The following RALY variants were observed in gnomAD, a reference collection of about 807,000 sequenced individuals.
RALY encodes RNA-binding protein Raly.
Under a neutral mutation model 30.7 loss-of-function variants are expected in RALY, and 15 were observed. The observed-to-expected ratio is 0.49, with a 90% CI of 0.33 to 0.75. The LOEUF (loss-of-function observed/expected upper bound fraction) is 0.75. RALY is among the 30% of genes least tolerant of loss of function. The pLI, the probability that RALY is intolerant of heterozygous loss-of-function variation, is 0.02. For missense variants in RALY, 339 were observed against 414.3 expected, an observed-to-expected ratio of 0.82 and a Z score of 1.58; for synonymous variants, 177 against 170.8, an observed-to-expected ratio of 1.04 and a Z score of -0.28.
chr20:34,073,773 G>C, intron 4 of RALY, 46 bp from the exon 5 acceptor site: 1 of 1,601,144 alleles, frequency 6.2e-7, no homozygotes, highest in Non-Finnish European at 8.6e-7. Context: ...AAAGTGGGCT[G>C]AGTGGCCGTC....
chr20:34,020,546 T>G (rs1279003708), intron 1 of RALY, among the ~76,000 whole-genome samples: 6 of 152,164 alleles, frequency 3.9e-5, no homozygotes, highest in African/African-American at 1.4e-4. Flanking sequence ...GTAGGAATAA[T>G]GGATTAGTCA....
chr20:34,022,133 C>T lies in RALY; in HGVS notation c.-92-9389C>T, dbSNP rs527425480. On this transcript the variant is annotated intron_variant, in intron 1 of 9. Coordinates refer to ENST00000246194, the MANE Select transcript of RALY (RefSeq NM_016732.3). Reference sequence around the variant, plus strand: ...TTAATAAAGACAATGTCTCACTTGGCTGCCCATGCTGGTCTCGAACTCCTG... The same window carrying T: ...TTAATAAAGACAATGTCTCACTTGGTTGCCCATGCTGGTCTCGAACTCCTG... 5.4e-5 allele frequency among the ~76,000 whole-genome samples: 8 copies of T among 148,810 alleles called. No individual in the cohort carries two copies. In the South Asian group the frequency reaches 1.7e-3, roughly 32 times the overall value.
intron 1 of RALY, among the ~76,000 whole-genome samples, chr20:34,029,323 G>A (rs983097214): frequency 2.0e-5 from 3 of 152,106 alleles, no homozygotes; most frequent in African/African-American, 7.2e-5. Context: ...TGTAATCGCA[G>A]CTACTCAGGA....
At chr20:34,022,021 G>T (rs1373751581) in intron 1 of RALY, among the ~76,000 whole-genome samples, 2 of 150,592 alleles carry the variant, frequency 1.3e-5, no homozygotes, top group Non-Finnish European at 3.0e-5. Context: ...GCCTCCCAAA[G>T]TGCTGGGATT....
At chr20:34,021,118 C>G (rs1011067062) in intron 1 of RALY, among the ~76,000 whole-genome samples, 1 of 152,036 alleles carries the variant, frequency 6.6e-6, no homozygotes, top group African/African-American at 2.4e-5. Context: ...TGCACCACCA[C>G]GCCTGGCTAA....
intron 1 of RALY, 44 bp from the exon 2 acceptor site, chr20:34,031,478 C>T (rs1336856957): frequency 2.0e-5 from 3 of 152,158 alleles, no homozygotes; most frequent in Non-Finnish European, 4.4e-5. Context: ...TGCCTGCTGC[C>T]TGTTCTGAGC....
At chr20:34,046,813 C>CTTTTTTTTTTTTTTTTTTTTTTTTTTTT (rs61495395) in intron 2 of RALY, among the ~76,000 whole-genome samples, 2 of 72,764 alleles carry the variant, frequency 2.7e-5, no homozygotes, top group Non-Finnish European at 5.0e-5. Context: ...GACCTCCACT[C>CTTTTTTTTTTTTTTTTTTTTTTTTTTTT]TTTTTTTTTT....
intron 8 of RALY, chr20:34,077,517 TG>T: frequency 3.3e-6 from 2 of 607,882 alleles, no homozygotes; most frequent in East Asian, 6.4e-5. Context: ...AGTTGGAGAA[TG>T]GGAGATTCGG....
At chr20:34,039,665 A>G (rs1337228369) in intron 2 of RALY, among the ~76,000 whole-genome samples, 1 of 152,228 alleles carries the variant, frequency 6.6e-6, no homozygotes, top group African/African-American at 2.4e-5. Flanking sequence ...ATTTGCATCT[A>G]GAAATGCCTT....
At chr20:34,011,845 C>G (rs1197632126) in intron 1 of RALY, among the ~76,000 whole-genome samples, 1 of 152,066 alleles carries the variant, frequency 6.6e-6, no homozygotes, top group Non-Finnish European at 1.5e-5. Flanking sequence ...GCAGGCAGAT[C>G]GCTTGAGGTC....
intron 1 of RALY, among the ~76,000 whole-genome samples, chr20:33,996,990 G>C (rs909873912): frequency 6.6e-6 from 1 of 152,160 alleles, no homozygotes; most frequent in Non-Finnish European, 1.5e-5. Flanking sequence ...GTGGCATGCA[G>C]CTCCAGGGCA....
At chr20:34,032,108 A>G (rs1448399843) in intron 2 of RALY, among the ~76,000 whole-genome samples, 2 of 152,048 alleles carry the variant, frequency 1.3e-5, no homozygotes, top group African/African-American at 4.8e-5. Flanking sequence ...GATTACAGGC[A>G]TGCACCGCCA....
intron 3 of RALY, among the ~76,000 whole-genome samples, chr20:34,072,929 A>AGTGTGT (rs3835232): frequency 1.1e-4 from 17 of 149,012 alleles, no homozygotes; most frequent in South Asian, 2.1e-4. Context: ...GTATAGATGT[A>AGTGTGT]GTGTGTGTGT....
chr20:34,049,022 A>T (rs1400498613), intron 2 of RALY: 1 of 152,134 alleles, frequency 6.6e-6, no homozygotes, highest in Non-Finnish European at 1.5e-5. Context: ...ATTAGGAGAG[A>T]TTAGAAAGGC....
At chr20:34,019,787 C>T (rs75569635) in intron 1 of RALY, among the ~76,000 whole-genome samples, 7 of 152,272 alleles carry the variant, frequency 4.6e-5, no homozygotes, top group African/African-American at 1.2e-4. Flanking sequence ...CTTGGCCGGG[C>T]GCGGTGGCTC....
chr20:34,021,568 T>C (rs556533310), intron 1 of RALY, among the ~76,000 whole-genome samples: 1 of 152,170 alleles, frequency 6.6e-6, no homozygotes, highest in Non-Finnish European at 1.5e-5. Context: ...TGCACTAATG[T>C]TGCCTCTCAG....
intron 1 of RALY, among the ~76,000 whole-genome samples, chr20:34,006,162 A>C (rs1053902748): frequency 1.3e-5 from 2 of 152,230 alleles, no homozygotes; most frequent in Non-Finnish European, 2.9e-5. Flanking sequence ...TTTCAAACAT[A>C]CACAAAATCG....
chr20:34,054,044 G>A (rs193147008), intron 2 of RALY, among the ~76,000 whole-genome samples: 2 of 152,236 alleles, frequency 1.3e-5, no homozygotes, highest in East Asian at 3.9e-4. Flanking sequence ...TTCTCACTCT[G>A]CCTTCTCCTT....
intron 2 of RALY, among the ~76,000 whole-genome samples, chr20:34,051,629 T>G (rs1413992657): frequency 6.6e-6 from 1 of 152,122 alleles, no homozygotes; most frequent in Non-Finnish European, 1.5e-5. Context: ...AGAGTCTCGC[T>G]CTGTTGCCCA....
Sources: allele counts gnomAD v4.1 joint callset (sites outside exome capture counted in the v4.1 genomes callset), GRCh38; gene constraint gnomAD v4.1.1; transcripts MANE v1.5; gene names NCBI Gene and HGNC (gene_info 2026-07-23, HGNC 2026-07-21).